The following ITPK1 variants were observed in gnomAD, a reference collection of about 807,000 sequenced individuals.
ITPK1 encodes the protein inositol-tetrakisphosphate 1-kinase.
A neutral mutation model predicts 45.3 loss-of-function variants in ITPK1; 21 were observed. That is an observed-to-expected ratio of 0.46 (90% CI 0.33 to 0.67). The LOEUF is 0.67. Among genes scored for constraint, ITPK1 ranks in the 30% least tolerant of loss-of-function variants. The pLI is 0.02. For synonymous variants in ITPK1, 258 were observed against 253.6 expected (o/e 1.02, Z -0.16); for missense variants, 474 against 573.5 (o/e 0.83, Z 1.77).
Position 93,042,698 on chromosome 14 carries a change from G to C in ITPK1, c.121-25897C>G, listed in dbSNP as rs977543472. ...CTGGTGGGCAAAGAAAGGGAGAAGG[G>C]CCTCGGACAAGGAGAAGGAAATTAA... On this transcript the variant is annotated intron_variant, in intron 3 of 10. Coordinates refer to ENST00000267615, the MANE Select transcript of ITPK1 (RefSeq NM_014216.6). 1.2e-4 allele frequency among the ~76,000 whole-genome samples: 18 copies of C among 152,158 alleles called. 1 individual carries two copies. The highest frequency in any genetic ancestry group is 4.3e-4 in the African/African-American group (18 of 41,444).
At chr14:93,060,622 C>G (rs896474782) in intron 3 of ITPK1, among the ~76,000 whole-genome samples, 3 of 152,164 alleles carry the variant, frequency 2.0e-5, no homozygotes, top group African/African-American at 7.2e-5. Flanking sequence ...GTGTGGTAGC[C>G]TTGGAAAATT....
chr14:92,940,493 T>C lies in ITPK1; in HGVS notation c.*1068A>G. ...CACCTGCTGGCTCAGTGCTTGGGGC[T>C]TGCAATGAGAGGTGGACCAGGCCTG... On this transcript the variant is annotated 3_prime_UTR_variant, in exon 11 of 11. Coordinates refer to ENST00000267615, the MANE Select transcript of ITPK1 (RefSeq NM_014216.6). 1 of 1,145,898 alleles carries C rather than the reference T, an allele frequency of 8.7e-7. No homozygotes were observed. Among genetic ancestry groups the C allele is most frequent in the Non-Finnish European group, 1.1e-6 (1 of 920,248 alleles). The allele number at this position is 1,145,898 out of a possible 1,614,324, so 71.0% of individuals were successfully genotyped here. A position where few individuals can be genotyped will look rare whatever the true frequency, so the allele number is the denominator to read the frequency against.
chr14:92,982,318 T>C (rs1886275924), intron 5 of ITPK1, among the ~76,000 whole-genome samples: 1 of 152,164 alleles, frequency 6.6e-6, no homozygotes, highest in Non-Finnish European at 1.5e-5. Context: ...AACAGGGAGA[T>C]GGTCTGGGTA....
intron 4 of ITPK1, among the ~76,000 whole-genome samples, chr14:93,003,347 A>C (rs1304244049): frequency 6.6e-6 from 1 of 152,208 alleles, no homozygotes; most frequent in African/African-American, 2.4e-5. Context: ...CCTGTTGATT[A>C]ACTTGTCATC....
chr14:93,087,944 C>T (rs1278168645), intron 2 of ITPK1, among the ~76,000 whole-genome samples: 2 of 152,188 alleles, frequency 1.3e-5, no homozygotes, highest in Non-Finnish European at 2.9e-5. Flanking sequence ...GTGCTGGAGA[C>T]CAAAGGCTCC....
chr14:92,988,587 T>A (rs4905022), intron 5 of ITPK1, among the ~76,000 whole-genome samples: 59,716 of 151,980 alleles, frequency 0.39, 12,787 homozygotes, highest in African/African-American at 0.54. Flanking sequence ...CAGAGCCCCA[T>A]CCCTACCTAT....
chr14:93,094,859 T>A (rs137892776), intron 2 of ITPK1, among the ~76,000 whole-genome samples: 1 of 152,334 alleles, frequency 6.6e-6, no homozygotes, highest in Non-Finnish European at 1.5e-5. Context: ...CGGCCCTACA[T>A]GCCCAGAGTC....
At chr14:93,093,906 A>G (rs1046607243) in intron 2 of ITPK1, among the ~76,000 whole-genome samples, 1 of 152,210 alleles carries the variant, frequency 6.6e-6, no homozygotes, top group African/African-American at 2.4e-5. Context: ...GCAAAGCCCA[A>G]GCGTGTACAA....
Position 93,049,911 on chromosome 14 carries a change from G to A in ITPK1, c.120+26684C>T, listed in dbSNP as rs187965308. On this transcript the variant is annotated intron_variant, in intron 3 of 10. Coordinates refer to ENST00000267615, the MANE Select transcript of ITPK1 (RefSeq NM_014216.6). ...CATCTAAGAAAACACAGCACAAGCA[G>A]ATTTGGAAGGGACAGAGGGAGTCAA... 4.2e-3 allele frequency among the ~76,000 whole-genome samples: 632 copies of A among 152,232 alleles called. 2 individuals are homozygous for A. The highest frequency in any genetic ancestry group is 0.014 in the African/African-American group (577 of 41,534).
chr14:93,046,537 G>A (rs1889778967), intron 3 of ITPK1, among the ~76,000 whole-genome samples: 2 of 151,180 alleles, frequency 1.3e-5, no homozygotes, highest in Non-Finnish European at 2.9e-5. Context: ...AAGTGCTCTG[G>A]GCTTCAAGAC....
Position 93,011,787 on chromosome 14 carries a change from C to A in ITPK1, c.246+4889G>T, listed in dbSNP as rs752766880. 7.2e-4 allele frequency among the ~76,000 whole-genome samples: 110 copies of A among 152,178 alleles called. 1 individual carries two copies. Among genetic ancestry groups the A allele is most frequent in the Admixed American group, 9.8e-4 (15 of 15,284 alleles). On this transcript the variant is annotated intron_variant, in intron 4 of 10. Transcript: ENST00000267615. ...TCCAAAGAGTAAACAGTGTCCTCAG[C>A]TGCTCAGAGTTCATCTTGCACTGGC...
Position 92,941,285 on chromosome 14 carries a change from T to G in ITPK1, c.*276A>C. On this transcript the variant is annotated 3_prime_UTR_variant, in exon 11 of 11. Transcript: ENST00000267615. ...CCCCTCACCTCCCATCCAGACCTAG[T>G]GTTGCAAACACAAGCGTGTGTAAAC... The G allele has an allele frequency of 2.2e-6, 3 of 1,390,210 alleles. No homozygotes were observed. The highest frequency in any genetic ancestry group is 2.8e-6 in the Non-Finnish European group (3 of 1,077,652). The allele number at this position is 1,390,210 out of a possible 1,614,324, so 86.1% of individuals were successfully genotyped here.
Position 92,938,551 on chromosome 14 carries a change from C to G in ITPK1, c.*3010G>C. On this transcript the variant is annotated 3_prime_UTR_variant, in exon 11 of 11. Transcript: ENST00000267615. Reference sequence around the variant, plus strand: ...CCTGGGTACAGAGAGGAATGTTTTTCCCAGGTTGCTTTCTCCTTTATTGAC... The same window carrying G: ...CCTGGGTACAGAGAGGAATGTTTTTGCCAGGTTGCTTTCTCCTTTATTGAC... The G allele has an allele frequency of 6.2e-7, 1 of 1,606,302 alleles. No homozygotes were observed. The highest frequency in any genetic ancestry group is 8.5e-7 in the Non-Finnish European group (1 of 1,173,160).
chr14:92,974,377 T>G (rs997779940), intron 5 of ITPK1, among the ~76,000 whole-genome samples: 9 of 152,214 alleles, frequency 5.9e-5, no homozygotes, highest in Non-Finnish European at 2.9e-5. Context: ...ATCCTGAAGC[T>G]GGCATGCCCT....
In ITPK1 at chr14:92,948,161, C is replaced by A. The variant is rs758049157; in HGVS notation, c.739-1668G>T. Among the ~76,000 whole-genome samples, 42 of 152,006 alleles carry A rather than the reference C, an allele frequency of 2.8e-4. 1 individual carries two copies. Among genetic ancestry groups the A allele is most frequent in the Non-Finnish European group, 4.0e-4 (27 of 68,014 alleles). ...ACAGGTAACGCCACAGAGACAGCAA[C>A]GAGCTCAGCGGCTGCCAATAACATG... On this transcript the variant is annotated intron_variant, in intron 9 of 10. Coordinates refer to ENST00000267615, the MANE Select transcript of ITPK1 (RefSeq NM_014216.6).
At chr14:92,957,387 C>G (rs1210586544) in intron 8 of ITPK1, among the ~76,000 whole-genome samples, 1 of 152,228 alleles carries the variant, frequency 6.6e-6, no homozygotes, top group Non-Finnish European at 1.5e-5. Context: ...CTTAGAGATG[C>G]CTTCAGAAGC....
At chr14:92,975,170 C>T (rs1885876718) in intron 5 of ITPK1, among the ~76,000 whole-genome samples, 1 of 152,264 alleles carries the variant, frequency 6.6e-6, no homozygotes, top group South Asian at 2.1e-4. Context: ...CAGGTCCAGA[C>T]TCCTTGCCAG....
chr14:93,103,416 T>C (rs1427710266), intron 2 of ITPK1, among the ~76,000 whole-genome samples: 2 of 151,458 alleles, frequency 1.3e-5, no homozygotes, highest in Non-Finnish European at 2.9e-5. Flanking sequence ...TCCGTCTCCA[T>C]CTCAAAAAAA....
At chr14:92,979,910 A>T (rs1275999250) in intron 5 of ITPK1, among the ~76,000 whole-genome samples, 1 of 151,286 alleles carries the variant, frequency 6.6e-6, no homozygotes, top group East Asian at 1.9e-4. Context: ...CCTCCTAAGT[A>T]GCTGTGATTA....
Sources: gnomAD v4.1 joint callset for allele counts (sites outside exome capture counted in the v4.1 genomes callset) on GRCh38, gnomAD v4.1.1 for gene constraint, MANE v1.5 for transcripts, NCBI Gene and HGNC (gene_info 2026-07-23, HGNC 2026-07-21) for gene names.